The following LRRC7 variants were observed in gnomAD, a reference collection of about 807,000 sequenced individuals.
LRRC7 encodes leucine rich repeat containing 7.
In LRRC7, 23 loss-of-function variants were observed where a neutral mutation model predicts 175.7. That is an observed-to-expected ratio of 0.13 (90% confidence interval 0.09 to 0.19). The LOEUF is 0.19. LRRC7 is among the 10% of genes least tolerant of loss of function. LRRC7 has a pLI of 1.00. For missense variants in LRRC7, 1,354 were observed against 1,904.7 expected, an observed-to-expected ratio of 0.71 and a Z score of 5.38; for synonymous variants, 685 against 680.9, an observed-to-expected ratio of 1.01 and a Z score of -0.09.
chr1:70,028,279 G>C lies in LRRC7; in HGVS notation c.1903G>C (p.Glu635Gln). The change falls in exon 18 of 27, where the codon GAG becomes CAG. Residue 635 changes from glutamate (E) to glutamine (Q), a missense_variant. Transcript: ENST00000651989. The stretch of plus-strand genomic sequence containing the variant: ...TAAGCCAAGCCATGGAGTGCGTGTT[G>C]AGAATTCAAATCCAACTGCTAACAC... The part of the protein sequence containing the change: ...VGKPSHGVRV[E>Q]NSNPTANTEQ... 1.2e-6 allele frequency: 2 copies of C among 1,613,788 alleles called. No individual in the cohort carries two copies. The highest frequency in any genetic ancestry group is 1.7e-6 in the Non-Finnish European group (2 of 1,179,808).
At chr1:69,718,607 CA>C (rs1303587007) in intron 2 of LRRC7, among the ~76,000 whole-genome samples, 2 of 150,882 alleles carry the variant, frequency 1.3e-5, no homozygotes, top group Non-Finnish European at 3.0e-5. Flanking sequence ...TTTTATCAGG[CA>C]AAAAAACATG....
intron 2 of LRRC7, among the ~76,000 whole-genome samples, chr1:69,722,466 C>G (rs1437318145): frequency 6.6e-6 from 1 of 151,900 alleles, no homozygotes; most frequent in East Asian, 1.9e-4. Context: ...TATAATGTTG[C>G]CTTGCATACA....
intron 7 of LRRC7, among the ~76,000 whole-genome samples, chr1:69,854,573 C>A (rs1683369839): frequency 6.6e-6 from 1 of 151,930 alleles, no homozygotes; most frequent in African/African-American, 2.4e-5. Context: ...ATTTTTAAAC[C>A]AACTTACTGA....
At chr1:70,015,154 TTA>T (rs1656855235) in intron 13 of LRRC7, among the ~76,000 whole-genome samples, 1 of 152,072 alleles carries the variant, frequency 6.6e-6, no homozygotes, top group Non-Finnish European at 1.5e-5. Flanking sequence ...ACTGTAACAA[TTA>T]TATAAAAAAG....
At chr1:69,777,801 T>A (rs779395061) in intron 3 of LRRC7, among the ~76,000 whole-genome samples, 2 of 152,226 alleles carry the variant, frequency 1.3e-5, no homozygotes, top group Non-Finnish European at 2.9e-5. Flanking sequence ...ATCTCACAGC[T>A]GACTAATGGA....
intron 7 of LRRC7, among the ~76,000 whole-genome samples, chr1:69,922,803 T>A (rs964675272): frequency 2.2e-4 from 33 of 151,982 alleles, no homozygotes; most frequent in African/African-American, 4.8e-4. Flanking sequence ...TTAATTTTTT[T>A]AATTTTTTTA....
intron 8 of LRRC7, among the ~76,000 whole-genome samples, chr1:69,940,717 C>T (rs1031441941): frequency 8.6e-5 from 13 of 151,934 alleles, no homozygotes; most frequent in East Asian, 1.9e-4. Flanking sequence ...ATTCACAGCT[C>T]GAAAACATAC....
chr1:69,905,023 G>C (rs928194160), intron 7 of LRRC7, among the ~76,000 whole-genome samples: 1 of 152,060 alleles, frequency 6.6e-6, no homozygotes, highest in African/African-American at 2.4e-5. Flanking sequence ...ATATTACACA[G>C]TTATGAAAAA....
chr1:70,131,677 A>G lies in LRRC7; in HGVS notation c.*9790A>G, dbSNP rs965966525. Among the ~76,000 whole-genome samples the G allele has an allele frequency of 6.6e-5, 10 of 152,198 alleles. No homozygotes were observed. The highest frequency in any genetic ancestry group is 3.3e-4 in the Admixed American group (5 of 15,286). ...AGAAAGATTTAGATAAAGTCATAGT[A>G]TATCTTGAAGGAAACAGCCACCATT... is the stretch of plus-strand genomic sequence containing the variant. On this transcript the variant is annotated 3_prime_UTR_variant, in exon 27 of 27. Coordinates refer to ENST00000651989, the MANE Select transcript of LRRC7 (RefSeq NM_001370785.2).
intron 26 of LRRC7, among the ~76,000 whole-genome samples, chr1:70,108,732 A>G (rs548487891): frequency 6.6e-6 from 1 of 152,326 alleles, no homozygotes; most frequent in Admixed American, 6.5e-5. Flanking sequence ...TTCACTGAGA[A>G]GACAAGACAT....
At chr1:69,674,036 C>A (rs1289422185) in intron 1 of LRRC7, among the ~76,000 whole-genome samples, 2 of 151,972 alleles carry the variant, frequency 1.3e-5, no homozygotes, top group Non-Finnish European at 2.9e-5. Context: ...GAGGCAGGGC[C>A]TCGCTCTATT....
chr1:69,614,187 TA>T (rs1649258743), intron 1 of LRRC7, among the ~76,000 whole-genome samples: 1 of 152,076 alleles, frequency 6.6e-6, no homozygotes, highest in South Asian at 2.1e-4. Flanking sequence ...TGAAAAATTT[TA>T]TTGGTTTATT....
intron 7 of LRRC7, among the ~76,000 whole-genome samples, chr1:69,912,877 T>G (rs1202170110): frequency 1.3e-5 from 2 of 151,958 alleles, no homozygotes; most frequent in East Asian, 1.9e-4. Flanking sequence ...AATCTTTCTG[T>G]TTTTTTTAAC....
chr1:70,089,437 T>C (rs900662788), intron 24 of LRRC7, among the ~76,000 whole-genome samples: 1 of 151,808 alleles, frequency 6.6e-6, no homozygotes, highest in Non-Finnish European at 1.5e-5. Context: ...TATAAGACTT[T>C]TAACTTTTAA....
At chr1:69,609,621 T>C (rs1648377435) in intron 1 of LRRC7, among the ~76,000 whole-genome samples, 1 of 152,058 alleles carries the variant, frequency 6.6e-6, no homozygotes, top group East Asian at 1.9e-4. Flanking sequence ...GTGATGGTGC[T>C]CAGCTGGTAC....
chr1:70,083,064 C>T (rs914549772), intron 24 of LRRC7, among the ~76,000 whole-genome samples: 3 of 151,856 alleles, frequency 2.0e-5, no homozygotes, highest in Non-Finnish European at 4.4e-5. Flanking sequence ...GGATTACAGG[C>T]GTGAGCCATT....
At chr1:69,891,844 GA>G (rs35974240) in intron 7 of LRRC7, among the ~76,000 whole-genome samples, 61,518 of 152,004 alleles carry the variant, frequency 0.4, 13,393 homozygotes, top group East Asian at 0.55. Flanking sequence ...CATGCTGTTG[GA>G]AAAATGGTGC....
chr1:69,777,456 A>T (rs1401442528), intron 3 of LRRC7, among the ~76,000 whole-genome samples: 1 of 152,134 alleles, frequency 6.6e-6, no homozygotes, highest in African/African-American at 2.4e-5. Context: ...TATCACCTTC[A>T]TCTATTCTCA....
rs1236208371 is a variant in LRRC7, at chr1:69,722,936, A to G, written c.101-37255A>G. On this transcript the variant is annotated intron_variant, in intron 2 of 26. Transcript: ENST00000651989. The stretch of plus-strand genomic sequence containing the variant: ...TATATATGCATTTTCTTTCAAATGC[A>G]TTGCAAATATTTTCCCCAGCTTAAA... Among the ~76,000 whole-genome samples, 3 of 152,190 alleles carry G rather than the reference A, an allele frequency of 2.0e-5. No homozygotes were observed. In the East Asian group the frequency reaches 5.8e-4, roughly 29 times the overall value.
Sources: gnomAD v4.1 joint callset for allele counts (sites outside exome capture counted in the v4.1 genomes callset) on GRCh38, gnomAD v4.1.1 for gene constraint, MANE v1.5 for transcripts, NCBI Gene and HGNC (gene_info 2026-07-23, HGNC 2026-07-21) for gene names.